The following MICAL2 variants were observed in gnomAD, a reference collection of about 807,000 sequenced individuals.
The protein encoded by MICAL2 is microtubule associated monooxygenase, calponin and LIM domain containing 2, also known as [F-actin]-monooxygenase MICAL2.
A neutral mutation model predicts 127.3 loss-of-function variants in MICAL2; 77 were observed. The observed-to-expected ratio is 0.60, with a 90% CI of 0.50 to 0.73. The LOEUF is 0.73. Ranked by LOEUF, MICAL2 falls within the 30% of genes least tolerant of loss-of-function variation. The pLI, the probability that MICAL2 is intolerant of heterozygous loss-of-function variation, is 0.00. For missense variants in MICAL2, 1,351 were observed against 1,434.4 expected (o/e 0.94, Z 0.94); for synonymous variants, 570 against 551.1 (o/e 1.03, Z -0.48).
chr11:12,293,025 C>T (rs1863925376), downstream of MICAL2, among the ~76,000 whole-genome samples: 1 of 152,222 alleles, frequency 6.6e-6, no homozygotes, highest in Non-Finnish European at 1.5e-5. Flanking sequence ...GTCTTAAGGG[C>T]CATCCTTGTG....
intron 27 of MICAL2, 42 bp downstream of exon 27, chr11:12,262,579 C>T: frequency 2.0e-6 from 3 of 1,531,898 alleles, no homozygotes; most frequent in African/African-American, 1.4e-5. Flanking sequence ...TGGTACTAAC[C>T]CCCAACCCGC....
intron 2 of MICAL2, among the ~76,000 whole-genome samples, chr11:12,143,336 C>G (rs553158887): frequency 6.6e-6 from 1 of 152,200 alleles, no homozygotes; most frequent in South Asian, 2.1e-4. Context: ...GAGATCAGCT[C>G]TGAAGTGGGA....
chr11:12,302,650 G>A (rs1301832587), intron 29 of MICAL2, among the ~76,000 whole-genome samples: 2 of 151,758 alleles, frequency 1.3e-5, no homozygotes, highest in Non-Finnish European at 2.9e-5. Context: ...CTCTAATGAT[G>A]TCTTTGGATA....
intron 32 of MICAL2, among the ~76,000 whole-genome samples, chr11:12,349,172 C>T (rs1197601092): frequency 6.6e-6 from 1 of 152,188 alleles, no homozygotes; most frequent in Non-Finnish European, 1.5e-5. Context: ...TAGTATCTAA[C>T]ATTAAATATC....
rs770107867 is a variant in MICAL2, at chr11:12,244,017, A to G, written c.2689A>G (p.Thr897Ala). 7.4e-6 allele frequency: 12 copies of G among 1,613,592 alleles called. No individual in the cohort carries two copies. Among genetic ancestry groups the G allele is most frequent in the Admixed American group, 3.3e-5 (2 of 59,982 alleles). ...ACTACTCTCTAAAGGCCTGTCTCAT[A>G]CTCATCCTCCATCTCCTCCCTCTCG... ...NKLLSKGLSH[T>A]HPPSPPSRLP... The change falls in exon 21 of 28, where the codon ACT becomes GCT. Residue 897 changes from threonine (T) to alanine (A), a missense_variant. Physicochemically the swap from Thr to Ala is moderately conservative, Grantham distance 58. Transcript: ENST00000683283.
At chr11:12,306,772 T>C (rs1398498982) in intron 29 of MICAL2, among the ~76,000 whole-genome samples, 3 of 152,242 alleles carry the variant, frequency 2.0e-5, no homozygotes, top group Non-Finnish European at 4.4e-5. Context: ...GATTTATGCA[T>C]GTTGTTGCAC....
intron 1 of MICAL2, among the ~76,000 whole-genome samples, chr11:12,131,962 T>C (rs1332217435): frequency 6.6e-6 from 1 of 152,176 alleles, no homozygotes; most frequent in Non-Finnish European, 1.5e-5. Context: ...ATAGGTATTA[T>C]CTCATTGAAT....
chr11:12,235,193 G>A (rs771515993), intron 15 of MICAL2, among the ~76,000 whole-genome samples: 6 of 152,272 alleles, frequency 3.9e-5, no homozygotes, highest in Non-Finnish European at 5.9e-5. Flanking sequence ...CATGGGGTAC[G>A]GAGGAGGTAC....
At chr11:12,312,986 G>A (rs1864190912) in intron 29 of MICAL2, among the ~76,000 whole-genome samples, 1 of 151,992 alleles carries the variant, frequency 6.6e-6, no homozygotes, top group Non-Finnish European at 1.5e-5. Flanking sequence ...CTAACACGGT[G>A]AAACCCCGTC....
intron 32 of MICAL2, among the ~76,000 whole-genome samples, chr11:12,346,362 T>C (rs999352986): frequency 6.6e-6 from 1 of 152,192 alleles, no homozygotes; most frequent in Non-Finnish European, 1.5e-5. Context: ...TGCAGCTGCA[T>C]GGCAGATAGA....
downstream of MICAL2, chr11:12,263,895 G>A (rs1863446187): frequency 2.0e-5 from 3 of 152,358 alleles, no homozygotes. Flanking sequence ...TGCACTTGAG[G>A]TAACACAGGA....
intron 2 of MICAL2, among the ~76,000 whole-genome samples, chr11:12,154,624 T>C (rs1355808840): frequency 6.6e-6 from 1 of 152,248 alleles, no homozygotes; most frequent in Non-Finnish European, 1.5e-5. Context: ...TTGTATTGAC[T>C]TTCTGGATCC....
intron 1 of MICAL2, among the ~76,000 whole-genome samples, chr11:12,128,547 C>A (rs1391981571): frequency 6.6e-6 from 1 of 152,146 alleles, no homozygotes; most frequent in Non-Finnish European, 1.5e-5. Flanking sequence ...TATTAGGTAC[C>A]CACAAAGAGG....
At chr11:12,357,148 G>A (rs369540923) in intron 34 of MICAL2, among the ~76,000 whole-genome samples, 54 of 152,302 alleles carry the variant, frequency 3.5e-4, no homozygotes, top group African/African-American at 1.2e-3. Flanking sequence ...AGACCTCAGA[G>A]CTAAGCCTGA....
intron 21 of MICAL2, among the ~76,000 whole-genome samples, chr11:12,245,710 A>G (rs1005490572): frequency 4.6e-5 from 7 of 152,228 alleles, no homozygotes; most frequent in Non-Finnish European, 8.8e-5. Context: ...CCTCCTCCTC[A>G]GTAAGAGTGG....
At chr11:12,220,586 C>A in intron 9 of MICAL2, 128 bp downstream of exon 9, 1 of 1,314,352 alleles carries the variant, frequency 7.6e-7, no homozygotes, top group African/African-American at 1.5e-5. Flanking sequence ...CAGGACTCTG[C>A]CAAGCCTGTC....
chr11:12,222,846 A>G (rs1229524485), intron 11 of MICAL2, 103 bp downstream of exon 11: 3 of 1,405,596 alleles, frequency 2.1e-6, no homozygotes, highest in African/African-American at 2.8e-5. Flanking sequence ...TCCTGGGACT[A>G]AGGCCACCAA....
chr11:12,143,165 A>AG (rs1451248521), intron 2 of MICAL2, among the ~76,000 whole-genome samples: 1 of 152,228 alleles, frequency 6.6e-6, no homozygotes, highest in Non-Finnish European at 1.5e-5. Flanking sequence ...TGGGTACTGA[A>AG]GGATGATCAG....
intron 14 of MICAL2, 111 bp from the exon 15 acceptor site, chr11:12,226,914 A>G: frequency 2.5e-6 from 2 of 798,316 alleles, no homozygotes; most frequent in Non-Finnish European, 4.3e-6. Context: ...TTGGCCTCCC[A>G]AGTGCTGGGA....
Sources: allele counts gnomAD v4.1 joint callset (sites outside exome capture counted in the v4.1 genomes callset), GRCh38; gene constraint gnomAD v4.1.1; transcripts MANE v1.5; gene names NCBI Gene and HGNC (gene_info 2026-07-23, HGNC 2026-07-21).